PCDHGA3: variants seen among roughly 807,000 people sequenced by gnomAD.
The protein encoded by PCDHGA3 is protocadherin gamma subfamily A, 3.
Under a neutral mutation model 58.5 loss-of-function variants are expected in PCDHGA3, and 40 were observed. That is an observed-to-expected ratio of 0.68 (90% CI 0.53 to 0.89). The LOEUF (loss-of-function observed/expected upper bound fraction) is 0.89, where lower values mean the gene tolerates loss of function less well. PCDHGA3 is among the 40% of genes least tolerant of loss of function. PCDHGA3 has a pLI of 0.00. For missense variants in PCDHGA3, 1,223 were observed against 1,195.9 expected (o/e 1.02, Z -0.33); for synonymous variants, 530 against 525.7 (o/e 1.01, Z -0.11).
chr5:141,361,591 C>T (rs776269447), intron 1 of PCDHGA3: 3 of 1,614,050 alleles, frequency 1.9e-6, no homozygotes, highest in South Asian at 1.1e-5. Context: ...CCCCAGTGGC[C>T]AAGTTTCCTA....
intron 1 of PCDHGA3, chr5:141,393,614 C>G: frequency 6.2e-7 from 1 of 1,613,778 alleles, no homozygotes; most frequent in Non-Finnish European, 8.5e-7. Context: ...TAACAGCCAG[C>G]GACCCGGATG....
chr5:141,459,795 C>T (rs1394778891), intron 1 of PCDHGA3, among the ~76,000 whole-genome samples: 1 of 152,190 alleles, frequency 6.6e-6, no homozygotes, highest in Non-Finnish European at 1.5e-5. Flanking sequence ...AACTGTTTTT[C>T]CCTGTTGACT....
At chr5:141,456,788 C>A (rs2098888156) in intron 1 of PCDHGA3, among the ~76,000 whole-genome samples, 1 of 152,088 alleles carries the variant, frequency 6.6e-6, no homozygotes, top group Admixed American at 6.5e-5. Flanking sequence ...CATGGCAAAA[C>A]CCCATCTCTA....
At chr5:141,361,400 T>A in intron 1 of PCDHGA3, 1 of 1,613,988 alleles carries the variant, frequency 6.2e-7, no homozygotes, top group Non-Finnish European at 8.5e-7. Flanking sequence ...AATCTCACCA[T>A]CACAGCCACC....
At position 141,345,332 on chromosome 5, in the gene PCDHGA3, C is replaced by T. The variant is rs1561489716; in HGVS notation, c.1299C>T (p.Ser433=). The part of the protein sequence containing the change: ...RASDGGSPPL[S]TETHITLHVI... Reference sequence around the variant, plus strand: ...CAGATGGGGGAAGCCCGCCACTGTCCACAGAAACTCACATCACCCTGCATG... The same window carrying T: ...CAGATGGGGGAAGCCCGCCACTGTCTACAGAAACTCACATCACCCTGCATG... Residue 433 remains serine, a synonymous_variant, in exon 1 of 4, where the codon TCC becomes TCT. Transcript: ENST00000253812. The T allele has an allele frequency of 6.2e-7, 1 of 1,613,984 alleles. No homozygotes were observed. The highest frequency in any genetic ancestry group is 8.5e-7 in the Non-Finnish European group (1 of 1,179,916).
chr5:141,433,508 A>G (rs2097615565), intron 1 of PCDHGA3, among the ~76,000 whole-genome samples: 1 of 152,068 alleles, frequency 6.6e-6, no homozygotes, highest in Non-Finnish European at 1.5e-5. Context: ...TGCTGGGATT[A>G]CAGGCGTGAA....
At chr5:141,495,089 C>G (rs1440289878) in intron 2 of PCDHGA3, among the ~76,000 whole-genome samples, 2 of 152,284 alleles carry the variant, frequency 1.3e-5, no homozygotes, top group East Asian at 3.9e-4. Flanking sequence ...TGCCCCTTCC[C>G]TCCTCGCCAC....
chr5:141,417,550 A>G, intron 1 of PCDHGA3: 1 of 326,094 alleles, frequency 3.1e-6, no homozygotes, highest in Non-Finnish European at 5.5e-6. Flanking sequence ...ATTCCTTGAA[A>G]GAGGTAGAGA....
At chr5:141,374,833 T>C in intron 1 of PCDHGA3, 7 of 1,613,930 alleles carry the variant, frequency 4.3e-6, no homozygotes, top group Non-Finnish European at 5.9e-6. Flanking sequence ...ACCGTGTAAG[T>C]GTTCCTGAAA....
At chr5:141,365,089 G>A in intron 1 of PCDHGA3, 2 of 1,613,840 alleles carry the variant, frequency 1.2e-6, no homozygotes, top group South Asian at 2.2e-5. Flanking sequence ...GTGTTCCAGA[G>A]AACATACCTG....
chr5:141,399,890 T>A, intron 1 of PCDHGA3: 1 of 1,612,638 alleles, frequency 6.2e-7, no homozygotes, highest in South Asian at 1.1e-5. Context: ...ACCAAGGTAG[T>A]GGCCGTGGAC....
Position 141,345,119 on chromosome 5 carries a change from T to G in PCDHGA3, c.1086T>G (p.Val362=), listed in dbSNP as rs1447793280. The change falls in exon 1 of 4, where the codon GTT becomes GTG. Residue 362 remains valine (V), a synonymous_variant. Coordinates refer to ENST00000253812, the MANE Select transcript of PCDHGA3 (RefSeq NM_018916.4). ...LTSSVPEEGT[V]GREIALIDVH... is the part of the protein sequence containing the mutation. ...GCTCAGTCCCAGAAGAGGGCACCGT[T>G]GGAAGAGAAATTGCTCTTATCGACG... The G allele has an allele frequency of 6.2e-7, 1 of 1,614,002 alleles. No individual in the cohort carries two copies. Among genetic ancestry groups the G allele is most frequent in the South Asian group, 1.1e-5 (1 of 91,076 alleles).
chr5:141,450,828 TA>T lies in PCDHGA3; in HGVS notation c.2425-43978del, dbSNP rs1427656987. Among the ~76,000 whole-genome samples the T allele has an allele frequency of 7.8e-4, 110 of 141,058 alleles. 1 individual carries two copies. The highest frequency in any genetic ancestry group is 1.8e-3 in the African/African-American group (65 of 36,868). The allele number at this position is 141,058 out of a possible 152,430, so 92.5% of individuals were successfully genotyped here. A position where few individuals can be genotyped will look rare whatever the true frequency, so the allele number is the denominator to read the frequency against. ...TTTATTTATTTAATATTATTATTAT[TA>T]TTTTTTTTTTTTTGAGATGGGGTCT... On this transcript the variant is annotated intron_variant, in intron 1 of 3. Transcript: ENST00000253812.
chr5:141,507,478 C>T (rs933478897), intron 3 of PCDHGA3, among the ~76,000 whole-genome samples: 5 of 152,158 alleles, frequency 3.3e-5, no homozygotes, highest in African/African-American at 1.2e-4. Flanking sequence ...GGACTGCTGG[C>T]CTCCTGAGGC....
intron 1 of PCDHGA3, among the ~76,000 whole-genome samples, chr5:141,464,557 C>A (rs1342964264): frequency 6.6e-6 from 1 of 152,132 alleles, no homozygotes; most frequent in Non-Finnish European, 1.5e-5. Context: ...CCCCATCTTG[C>A]ATTCCTACAA....
intron 1 of PCDHGA3, among the ~76,000 whole-genome samples, chr5:141,349,324 C>T (rs1218757042): frequency 6.6e-6 from 1 of 152,156 alleles, no homozygotes. Flanking sequence ...CCCACCTTGG[C>T]CTCCCAAAGT....
At chr5:141,351,485 G>A (rs757788189) in intron 1 of PCDHGA3, 6 of 1,613,904 alleles carry the variant, frequency 3.7e-6, no homozygotes, top group Non-Finnish European at 5.1e-6. Context: ...CCTAAACCGG[G>A]AGCAGACAGC....
chr5:141,394,489 C>T (rs989814835), intron 1 of PCDHGA3: 5 of 1,614,122 alleles, frequency 3.1e-6, no homozygotes, highest in Non-Finnish European at 4.2e-6. Context: ...AATGACAACG[C>T]GCCCGAGATC....
intron 1 of PCDHGA3, chr5:141,382,884 G>C: frequency 6.5e-7 from 1 of 1,529,218 alleles, no homozygotes; most frequent in South Asian, 1.3e-5. Flanking sequence ...GCCTAAGCAA[G>C]AGAAGCAGGA....
Sources: gnomAD v4.1 joint callset for allele counts (sites outside exome capture counted in the v4.1 genomes callset) on GRCh38, gnomAD v4.1.1 for gene constraint, MANE v1.5 for transcripts, NCBI Gene and HGNC (gene_info 2026-07-23, HGNC 2026-07-21) for gene names.